The following CHCHD6 variants were observed in gnomAD, a reference collection of about 807,000 sequenced individuals.
The protein encoded by CHCHD6 is coiled-coil-helix-coiled-coil-helix domain containing 6.
Under a neutral mutation model 32.3 loss-of-function variants are expected in CHCHD6, and 28 were observed. The ratio of observed to expected loss-of-function variants is 0.87; its 90% CI spans 0.64 to 1.19. CHCHD6 has a LOEUF of 1.19. CHCHD6 is among the 50% of genes most tolerant of loss of function. CHCHD6 has a pLI of 0.00. For synonymous variants in CHCHD6, 122 were observed against 117.5 expected, an observed-to-expected ratio of 1.04 and a Z score of -0.25; for missense variants, 333 against 307.0, an observed-to-expected ratio of 1.08 and a Z score of -0.63.
At chr3:126,812,013 G>A (rs1476751281) in intron 4 of CHCHD6, among the ~76,000 whole-genome samples, 1 of 152,014 alleles carries the variant, frequency 6.6e-6, no homozygotes, top group African/African-American at 2.4e-5. Context: ...GAGGGCAAGA[G>A]CATCGCTTTT....
At chr3:126,822,820 C>T (rs1056874787) in intron 4 of CHCHD6, among the ~76,000 whole-genome samples, 2 of 152,060 alleles carry the variant, frequency 1.3e-5, no homozygotes, top group Non-Finnish European at 2.9e-5. Flanking sequence ...TAGACTGTGT[C>T]TAGTTCAAAT....
intron 1 of CHCHD6, among the ~76,000 whole-genome samples, chr3:126,715,716 CTTGCTATCAGTTTTCCCT>C (rs57237867): frequency 0.21 from 31,259 of 152,126 alleles, 3,498 homozygotes; most frequent in South Asian, 0.36. Context: ...TACTCAGGGC[CTTGCTATCAGTTTTCCCT>C]CATCCCTGTT....
chr3:126,928,100 C>T (rs764491794), intron 6 of CHCHD6, among the ~76,000 whole-genome samples: 1 of 152,232 alleles, frequency 6.6e-6, no homozygotes, highest in African/African-American at 2.4e-5. Context: ...GTACTCAACC[C>T]AGGGAGGCTG....
intron 1 of CHCHD6, among the ~76,000 whole-genome samples, chr3:126,711,311 A>G (rs901961064): frequency 4.6e-5 from 7 of 152,216 alleles, no homozygotes; most frequent in African/African-American, 1.7e-4. Flanking sequence ...AGGCTTTAAC[A>G]CAGACCTGTT....
intron 3 of CHCHD6, among the ~76,000 whole-genome samples, chr3:126,732,356 A>T (rs1305610126): frequency 1.3e-5 from 2 of 152,126 alleles, no homozygotes. Context: ...TGCTATTTTC[A>T]CTTAGTATTA....
At chr3:126,782,120 TC>T (rs762308550) in intron 4 of CHCHD6, among the ~76,000 whole-genome samples, 15 of 152,206 alleles carry the variant, frequency 9.9e-5, no homozygotes, top group Non-Finnish European at 1.9e-4. Context: ...AGCAAACTGC[TC>T]CCAGCAAGGC....
At chr3:126,806,860 A>G (rs1318861552) in intron 4 of CHCHD6, among the ~76,000 whole-genome samples, 2 of 152,080 alleles carry the variant, frequency 1.3e-5, no homozygotes, top group East Asian at 3.8e-4. Flanking sequence ...ATGGAATACT[A>G]TGCAGCCATA....
chr3:126,779,532 T>C (rs1937822028), intron 4 of CHCHD6, among the ~76,000 whole-genome samples: 1 of 88,538 alleles, frequency 1.1e-5, no homozygotes. Context: ...CGAGACTCCA[T>C]CTCAAAAAAA....
chr3:126,848,687 G>T (rs534744247), intron 4 of CHCHD6, among the ~76,000 whole-genome samples: 1 of 152,304 alleles, frequency 6.6e-6, no homozygotes, highest in South Asian at 2.1e-4. Flanking sequence ...GATGAAAGAA[G>T]ATCTCTTTAG....
intron 4 of CHCHD6, among the ~76,000 whole-genome samples, chr3:126,754,094 A>T (rs1326387323): frequency 2.0e-5 from 3 of 152,200 alleles, no homozygotes; most frequent in African/African-American, 4.8e-5. Flanking sequence ...TAAAATAGTC[A>T]TAGCAGTTAG....
At position 126,727,080 on chromosome 3, in the gene CHCHD6, G is replaced by A. The variant is rs1576342927; in HGVS notation, c.90G>A (p.Leu30=). The change falls in exon 2 of 8, where the codon CTG becomes CTA. Residue 30 remains leucine, a splice_region_variant and synonymous_variant. Coordinates refer to ENST00000290913, the MANE Select transcript of CHCHD6 (RefSeq NM_032343.3). ...ERVRVLQGVR[L]SENVVNRMKE... is the part of the protein sequence containing the mutation. ...TTCCCTCTTTTCTGCTTCCTTAGCT[G>A]TCTGAAAACGTGGTGAACCGCATGA... 1 of 1,611,664 alleles carries A rather than the reference G, an allele frequency of 6.2e-7. No individual in the cohort carries two copies.
At chr3:126,774,973 C>T (rs1937609659) in intron 4 of CHCHD6, among the ~76,000 whole-genome samples, 1 of 152,140 alleles carries the variant, frequency 6.6e-6, no homozygotes, top group African/African-American at 2.4e-5. Context: ...TCAGGGAATC[C>T]ACTGTCCTAT....
chr3:126,957,232 G>T lies in CHCHD6; in HGVS notation c.567-184G>T, dbSNP rs76410229. On this transcript the variant is annotated intron_variant, in intron 6 of 7. Coordinates refer to ENST00000290913, the MANE Select transcript of CHCHD6 (RefSeq NM_032343.3). ...GCCACCCACCACAGGGCTTGACCCT[G>T]CGACCGTCCTCTCATTTCTAGAACG... 3,909 of 677,410 alleles carry T rather than the reference G, an allele frequency of 5.8e-3. 86 individuals are homozygous for T. The East Asian group carries it at 0.071, about 12-fold the overall frequency. 42.0% of individuals were successfully genotyped at this position (677,410 alleles called of 1,614,324 possible).
chr3:126,882,799 A>G (rs1256962127), intron 5 of CHCHD6, among the ~76,000 whole-genome samples: 1 of 152,198 alleles, frequency 6.6e-6, no homozygotes, highest in African/African-American at 2.4e-5. Context: ...TGTGAAATAT[A>G]TATTTGGTAT....
chr3:126,859,150 C>T (rs1269269355), intron 5 of CHCHD6, among the ~76,000 whole-genome samples: 5 of 152,106 alleles, frequency 3.3e-5, no homozygotes, highest in Admixed American at 6.5e-5. Context: ...AAGAAGGGAA[C>T]GTGTGTGTAT....
chr3:126,869,812 A>AT, intron 5 of CHCHD6, among the ~76,000 whole-genome samples: 1 of 152,066 alleles, frequency 6.6e-6, no homozygotes, highest in South Asian at 2.1e-4. Flanking sequence ...TATTTTTGTC[A>AT]TTTTTTAAGT....
At chr3:126,929,900 C>T (rs2078379225) in intron 6 of CHCHD6, among the ~76,000 whole-genome samples, 1 of 152,196 alleles carries the variant, frequency 6.6e-6, no homozygotes, top group South Asian at 2.1e-4. Context: ...CTAAGTATGC[C>T]TTCCCCAACT....
chr3:126,915,008 G>A (rs1041712602), intron 6 of CHCHD6, among the ~76,000 whole-genome samples: 7 of 152,230 alleles, frequency 4.6e-5, no homozygotes, highest in Non-Finnish European at 8.8e-5. Context: ...TATTTTCGGG[G>A]CCCAGTGTCT....
chr3:126,926,535 C>T (rs74437322), intron 6 of CHCHD6, among the ~76,000 whole-genome samples: 2 of 152,176 alleles, frequency 1.3e-5, no homozygotes, highest in Non-Finnish European at 2.9e-5. Flanking sequence ...GGCTGTGCAG[C>T]CAGGGGTCAT....
Sources: allele counts gnomAD v4.1 joint callset (sites outside exome capture counted in the v4.1 genomes callset), GRCh38; gene constraint gnomAD v4.1.1; transcripts MANE v1.5; gene names NCBI Gene and HGNC (gene_info 2026-07-23, HGNC 2026-07-21).